HTR4: variants seen among roughly 807,000 people sequenced by gnomAD.
HTR4 encodes the protein 5-hydroxytryptamine receptor 4.
In HTR4, 16 loss-of-function variants were observed where a neutral mutation model predicts 36.8. The ratio of observed to expected loss-of-function variants is 0.43; its 90% confidence interval spans 0.29 to 0.66. The LOEUF (loss-of-function observed/expected upper bound fraction) is 0.66. Ranked by LOEUF, HTR4 falls within the 30% of genes least tolerant of loss-of-function variation. The probability of loss-of-function intolerance (pLI) is 0.13; values close to 1 mark genes in which losing one functional copy is unlikely to be tolerated. For synonymous variants in HTR4, 189 were observed against 185.1 expected (o/e 1.02, Z -0.17); for missense variants, 438 against 490.9 (o/e 0.89, Z 1.02).
At chr5:148,453,544 GA>G (rs1360576641) in intron 5 of HTR4, among the ~76,000 whole-genome samples, 1 of 152,318 alleles carries the variant, frequency 6.6e-6, no homozygotes, top group African/African-American at 2.4e-5. Context: ...ATTCTAGGTA[GA>G]GGGAACAGCA....
At chr5:148,458,730 C>T (rs965475751) in intron 5 of HTR4, among the ~76,000 whole-genome samples, 16 of 152,136 alleles carry the variant, frequency 1.1e-4, no homozygotes, top group Non-Finnish European at 1.5e-4. Context: ...ACAAAGTAGG[C>T]ATCAGCCTAA....
intron 2 of HTR4, among the ~76,000 whole-genome samples, chr5:148,582,711 G>T (rs959403695): frequency 7.2e-5 from 11 of 152,140 alleles, no homozygotes; most frequent in Admixed American, 7.2e-4. Context: ...TTGTGAATGG[G>T]AGTTCACTCA....
intron 4 of HTR4, 135 bp downstream of exon 4, chr5:148,548,533 G>A (rs912071879): frequency 1.3e-5 from 10 of 783,634 alleles, no homozygotes; most frequent in East Asian, 5.4e-5. Context: ...GAGAATGACT[G>A]TATAACTGAA....
intron 2 of HTR4, among the ~76,000 whole-genome samples, chr5:148,633,028 G>A (rs1176167525): frequency 6.6e-6 from 1 of 152,058 alleles, no homozygotes; most frequent in Non-Finnish European, 1.5e-5. Flanking sequence ...AAATGCAGCT[G>A]CCTCCTCCGG....
At chr5:148,635,850 T>C (rs1049523791) in intron 2 of HTR4, among the ~76,000 whole-genome samples, 3 of 152,158 alleles carry the variant, frequency 2.0e-5, no homozygotes, top group African/African-American at 7.2e-5. Context: ...TATGTTAATG[T>C]CCTAAGACTC....
Position 148,580,112 on chromosome 5 carries a change from A to G in HTR4, c.27-29850T>C, listed in dbSNP as rs180863131. 5.5e-3 allele frequency among the ~76,000 whole-genome samples: 833 copies of G among 152,108 alleles called. 6 individuals are homozygous for G. The highest frequency in any genetic ancestry group is 9.0e-3 in the Non-Finnish European group (613 of 67,956). On this transcript the variant is annotated intron_variant, in intron 2 of 6. Transcript: ENST00000377888. The stretch of plus-strand genomic sequence containing the variant: ...CACAACAAGACATATTGGCTTTGCA[A>G]TCCTCAGCTATAAAATGGGAACAAT...
chr5:148,570,434 C>A (rs1480984324), intron 2 of HTR4, among the ~76,000 whole-genome samples: 1 of 151,994 alleles, frequency 6.6e-6, no homozygotes, highest in Non-Finnish European at 1.5e-5. Flanking sequence ...TAACATTGAC[C>A]CTGATGGGAG....
chr5:148,473,823 A>C (rs1190442053), downstream of HTR4, among the ~76,000 whole-genome samples: 1 of 152,174 alleles, frequency 6.6e-6, no homozygotes, highest in Non-Finnish European at 1.5e-5. Flanking sequence ...TGCAAGGTGG[A>C]ATCACAATCC....
intron 1 of HTR4, 21 bp downstream of exon 1, chr5:148,654,041 C>T (rs1216493352): frequency 3.0e-6 from 3 of 985,074 alleles, no homozygotes; most frequent in South Asian, 9.4e-5. Context: ...TCCCGACCCC[C>T]GGCGCACTTG....
At chr5:148,629,357 C>A (rs949155554) in intron 2 of HTR4, 1 of 152,150 alleles carries the variant, frequency 6.6e-6, no homozygotes, top group Non-Finnish European at 1.5e-5. Flanking sequence ...CTATCTCAAG[C>A]AATTTTAGTA....
At chr5:148,636,046 T>C (rs1753523513) in intron 2 of HTR4, among the ~76,000 whole-genome samples, 1 of 152,180 alleles carries the variant, frequency 6.6e-6, no homozygotes, top group Non-Finnish European at 1.5e-5. Context: ...ATACCCACCA[T>C]GTACCAGGGA....
At chr5:148,494,088 G>T (rs1006857373) in intron 6 of HTR4, among the ~76,000 whole-genome samples, 3 of 152,200 alleles carry the variant, frequency 2.0e-5, no homozygotes, top group South Asian at 2.1e-4. Flanking sequence ...CTGATGTGCT[G>T]AAGTCAAAAT....
intron 2 of HTR4, among the ~76,000 whole-genome samples, chr5:148,556,747 A>T (rs1759967938): frequency 6.6e-6 from 1 of 152,204 alleles, no homozygotes; most frequent in Admixed American, 6.5e-5. Flanking sequence ...CAGTTCTCAC[A>T]GACCCCTAGG....
At chr5:148,646,394 A>T (rs566369120) in intron 1 of HTR4, 2 of 152,318 alleles carry the variant, frequency 1.3e-5, no homozygotes, top group African/African-American at 4.8e-5. Flanking sequence ...AACCTCCTGG[A>T]TTAGGAAACC....
chr5:148,480,576 A>G (rs943842501), downstream of HTR4, among the ~76,000 whole-genome samples: 1 of 152,128 alleles, frequency 6.6e-6, no homozygotes, highest in Non-Finnish European at 1.5e-5. Context: ...ATCAAATTTC[A>G]CCATGTTGGC....
chr5:148,580,887 A>G (rs1474621846), intron 2 of HTR4, among the ~76,000 whole-genome samples: 1 of 152,114 alleles, frequency 6.6e-6, no homozygotes, highest in Non-Finnish European at 1.5e-5. Context: ...TATAGCCAGA[A>G]TTGAGATTGC....
intron 2 of HTR4, among the ~76,000 whole-genome samples, chr5:148,569,166 T>A (rs1364106779): frequency 6.6e-6 from 1 of 152,106 alleles, no homozygotes; most frequent in African/African-American, 2.4e-5. Flanking sequence ...ATATTTTATA[T>A]CTTAAGCTGG....
chr5:148,458,117 C>T (rs1490763388), intron 5 of HTR4, among the ~76,000 whole-genome samples: 1 of 49,720 alleles, frequency 2.0e-5, no homozygotes, highest in African/African-American at 5.0e-5. Context: ...TTAAATAGAT[C>T]TTAAAATATA....
At chr5:148,552,553 A>G (rs1581466783) in intron 2 of HTR4, among the ~76,000 whole-genome samples, 1 of 152,222 alleles carries the variant, frequency 6.6e-6, no homozygotes. Context: ...GGGCCTCTGT[A>G]TTTGAGGTGC....
Sources: allele counts gnomAD v4.1 joint callset (sites outside exome capture counted in the v4.1 genomes callset), GRCh38; gene constraint gnomAD v4.1.1; transcripts MANE v1.5; gene names NCBI Gene and HGNC (gene_info 2026-07-23, HGNC 2026-07-21).